Variants in SLC36A1 observed in about 807,000 individuals in gnomAD.
The protein encoded by SLC36A1 is proton-coupled amino acid transporter 1.
A neutral mutation model predicts 47.5 loss-of-function variants in SLC36A1; 30 were observed. That is an observed-to-expected ratio of 0.63 (90% confidence interval 0.47 to 0.86). SLC36A1 has a LOEUF of 0.86. SLC36A1 is among the 40% of genes least tolerant of loss of function. SLC36A1 has a pLI of 0.00. For missense variants in SLC36A1, 517 were observed against 606.0 expected (o/e 0.85, Z 1.54); for synonymous variants, 255 against 249.7 (o/e 1.02, Z -0.20).
chr5:151,400,417 T>G, the SLC36A1 span, among the ~76,000 whole-genome samples: 105 of 152,338 alleles, frequency 6.9e-4, no homozygotes, highest in Non-Finnish European at 9.8e-4. Flanking sequence ...CTGATGGACA[T>G]CTAGGTTGAT....
At chr5:151,524,998 T>C in the SLC36A1 span, among the ~76,000 whole-genome samples, 1 of 152,228 alleles carries the variant, frequency 6.6e-6, no homozygotes, top group African/African-American at 2.4e-5. Flanking sequence ...ATCTCCATGA[T>C]TACAATGGAA....
At chr5:151,445,087 T>C (rs982464227), upstream of SLC36A1, among the ~76,000 whole-genome samples, 9 of 152,330 alleles carry the variant, frequency 5.9e-5, no homozygotes, top group South Asian at 2.1e-4. Context: ...TGTGTGTTTT[T>C]CATAAACGAC....
chr5:151,396,175 C>A, the SLC36A1 span, among the ~76,000 whole-genome samples: 1 of 150,960 alleles, frequency 6.6e-6, no homozygotes, highest in Non-Finnish European at 1.5e-5. Flanking sequence ...TATTTTGGCA[C>A]AATCTTGGCT....
chr5:151,544,798 G>A, the SLC36A1 span: 1 of 1,614,176 alleles, frequency 6.2e-7, no homozygotes, highest in Non-Finnish European at 8.5e-7. Flanking sequence ...GTAATCTTCT[G>A]CAAATTCATA....
chr5:151,502,049 T>C, the SLC36A1 span, among the ~76,000 whole-genome samples: 1 of 148,312 alleles, frequency 6.7e-6, no homozygotes, highest in Non-Finnish European at 1.5e-5. Flanking sequence ...CGGTGGCTCA[T>C]GCCTGTAATC....
chr5:151,543,078 A>G, the SLC36A1 span: 11 of 1,614,198 alleles, frequency 6.8e-6, no homozygotes, highest in East Asian at 2.5e-4. Flanking sequence ...ATACTTTTTT[A>G]GGAACCACCT....
At chr5:151,499,166 T>G in the SLC36A1 span, among the ~76,000 whole-genome samples, 1 of 152,240 alleles carries the variant, frequency 6.6e-6, no homozygotes, top group Non-Finnish European at 1.5e-5. Context: ...GTTGGACACT[T>G]TGGATTCATT....
the SLC36A1 span, chr5:151,543,580 A>G: frequency 4.3e-5 from 70 of 1,614,220 alleles, no homozygotes; most frequent in African/African-American, 8.3e-4. Context: ...AGTATAATCT[A>G]TAGTGCCATA....
At chr5:151,365,312 A>G in the SLC36A1 span, among the ~76,000 whole-genome samples, 2 of 152,220 alleles carry the variant, frequency 1.3e-5, no homozygotes, top group Non-Finnish European at 2.9e-5. Flanking sequence ...CCTGTGGCAT[A>G]TAGATGTGAT....
At chr5:151,353,233 A>G in the SLC36A1 span, among the ~76,000 whole-genome samples, 1 of 152,228 alleles carries the variant, frequency 6.6e-6, no homozygotes, top group African/African-American at 2.4e-5. Context: ...GTACTTAGTT[A>G]GAGGCATAAC....
chr5:151,548,300 T>C, the SLC36A1 span, among the ~76,000 whole-genome samples: 31 of 151,656 alleles, frequency 2.0e-4, no homozygotes, highest in Non-Finnish European at 3.4e-4. Flanking sequence ...TATTATTAAA[T>C]ATAATTATTA....
intron 10 of SLC36A1, among the ~76,000 whole-genome samples, chr5:151,487,232 GCCT>G (rs1759684938): frequency 6.6e-6 from 1 of 152,208 alleles, no homozygotes; most frequent in South Asian, 2.1e-4. Context: ...ATTCGGTGAA[GCCT>G]CCTCCTGCTT....
intron 1 of SLC36A1, chr5:151,450,915 C>G (rs1753563668): frequency 6.6e-6 from 1 of 152,290 alleles, no homozygotes; most frequent in Non-Finnish European, 1.5e-5. Context: ...CCGTTTATTT[C>G]CATCCAGGCC....
chr5:151,452,732 T>C (rs538215020), intron 1 of SLC36A1, among the ~76,000 whole-genome samples: 6 of 150,902 alleles, frequency 4.0e-5, no homozygotes, highest in African/African-American at 1.5e-4. Flanking sequence ...TATCTGGGCA[T>C]GGTGATGGAC....
chr5:151,483,520 G>GA (rs745868506), intron 10 of SLC36A1, among the ~76,000 whole-genome samples: 2 of 144,658 alleles, frequency 1.4e-5, no homozygotes, highest in Non-Finnish European at 3.0e-5. Context: ...GTGTGTGTGG[G>GA]GGGGGTGATT....
In SLC36A1 at chr5:151,488,305, G is replaced by A. The variant is rs77582123; in HGVS notation, c.*51G>A. The A allele has an allele frequency of 2.4e-3, 3,785 of 1,589,670 alleles. 108 individuals are homozygous for A. In the East Asian group the frequency reaches 0.047, roughly 20 times the overall value. ...CCTACCCCTGCCCCATGTGTCCCCCGTTACCTGTCCTCAGAGCCTCAGGTA... is the reference window on the plus strand; with the variant it reads ...CCTACCCCTGCCCCATGTGTCCCCCATTACCTGTCCTCAGAGCCTCAGGTA... On this transcript the variant is annotated 3_prime_UTR_variant, in exon 11 of 11. Transcript: ENST00000243389.
intron 1 of SLC36A1, among the ~76,000 whole-genome samples, chr5:151,454,612 C>T (rs1244985678): frequency 6.6e-6 from 1 of 151,690 alleles, no homozygotes; most frequent in African/African-American, 2.4e-5. Flanking sequence ...TTCTTCCTTA[C>T]ACCTAGCAAA....
chr5:151,549,148 T>C, the SLC36A1 span: 1 of 676,538 alleles, frequency 1.5e-6, no homozygotes, highest in South Asian at 1.9e-5. Context: ...TTAATTTAGG[T>C]AGTCCCAGGG....
the SLC36A1 span, among the ~76,000 whole-genome samples, chr5:151,349,192 T>A: frequency 3.3e-5 from 5 of 152,318 alleles, no homozygotes; most frequent in South Asian, 1.0e-3. Context: ...TGTTTAGATA[T>A]GAGCTAGTTC....
Sources: allele counts gnomAD v4.1 joint callset (sites outside exome capture counted in the v4.1 genomes callset), GRCh38; gene constraint gnomAD v4.1.1; transcripts MANE v1.5; gene names NCBI Gene and HGNC (gene_info 2026-07-23, HGNC 2026-07-21).